The following MUC4 variants were observed in gnomAD, a reference collection of about 807,000 sequenced individuals.
MUC4 encodes mucin 4, cell surface associated.
A neutral mutation model predicts 257.9 loss-of-function variants in MUC4; 202 were observed. That is an observed-to-expected ratio of 0.78 (90% CI 0.70 to 0.88). MUC4 has a LOEUF of 0.88. MUC4 is among the 40% of genes least tolerant of loss of function. MUC4 has a pLI of 0.00. For synonymous variants in MUC4, 2,351 were observed against 2,757.1 expected, an observed-to-expected ratio of 0.85 and a Z score of 4.62; for missense variants, 5,976 against 6,513.7, an observed-to-expected ratio of 0.92 and a Z score of 2.84.
intron 4 of MUC4, among the ~76,000 whole-genome samples, chr3:195,773,637 ACCC>A (rs1723674902): frequency 8.8e-6 from 1 of 113,234 alleles, no homozygotes; most frequent in African/African-American, 3.0e-5. Context: ...AGGTGTGGAC[ACCC>A]TCTCGCCATC....
intron 10 of MUC4, 120 bp downstream of exon 10, chr3:195,764,877 G>T (rs142925840): frequency 7.1e-7 from 1 of 1,399,042 alleles, no homozygotes; most frequent in South Asian, 1.3e-5. Context: ...AACGTTACCC[G>T]ATCAGGAAGT....
At position 195,783,464 on chromosome 3, in the gene MUC4, G is replaced by T; in HGVS notation, c.8116C>A (p.Pro2706Thr). The part of the protein sequence containing the change: ...SASTGDTTSL[P>T]VTDTSSAYTG... ...TATGCTGAGGAAGTGTCGGTGACAGGAAGAGAGGTGGTGTCACCTGTGGAT... is the reference window on the plus strand; with the variant it reads ...TATGCTGAGGAAGTGTCGGTGACAGTAAGAGAGGTGGTGTCACCTGTGGAT... Residue 2706 changes from proline (P) to threonine (T), a missense_variant, in exon 2 of 25, where the codon CCT (proline) becomes ACT (threonine). Physicochemically the swap from Pro to Thr is conservative, Grantham distance 38. This residue lies in a region of MUC4 where 75 missense variants were observed against 58.7 expected (regional missense o/e 1.28). Coordinates refer to ENST00000463781, the MANE Select transcript of MUC4 (RefSeq NM_018406.7). 3.2e-6 allele frequency: 3 copies of T among 926,184 alleles called. No individual in the cohort carries two copies. Among genetic ancestry groups the T allele is most frequent in the African/African-American group, 1.1e-4 (2 of 18,736 alleles). 57.4% of individuals were successfully genotyped at this position (926,184 alleles called of 1,614,324 possible). A position where few individuals can be genotyped will look rare whatever the true frequency, so the allele number is the denominator to read the frequency against.
chr3:195,767,609 T>TCACCACCACCA (rs1560262456), intron 7 of MUC4, among the ~76,000 whole-genome samples: 7 of 27,246 alleles, frequency 2.6e-4, no homozygotes, highest in African/African-American at 1.1e-3. Context: ...ATCATCACCA[T>TCACCACCACCA]TGCCACCACC....
intron 1 of MUC4, among the ~76,000 whole-genome samples, 181 bp downstream of exon 1, chr3:195,811,555 A>G (rs115882824): frequency 0.017 from 2,443 of 146,708 alleles, 87 homozygotes; most frequent in African/African-American, 0.059. Context: ...ATGTTGTCCC[A>G]TTCATCTCTT....
At chr3:195,749,147 G>A (rs1715812888) in intron 23 of MUC4, 83 bp from the exon 24 acceptor site, 2 of 1,523,704 alleles carry the variant, frequency 1.3e-6, no homozygotes, top group African/African-American at 1.4e-5. Flanking sequence ...TTCCTTTTCG[G>A]GTGTTTATCC....
chr3:195,762,895 G>T lies in MUC4; in HGVS notation c.14304C>A (p.Asn4768Lys). ...PHDAIRVLLD[N>K]QTVTFQPDHE... Reference sequence around the variant, plus strand: ...GGTCAGGCTGAAATGTCACAGTCTGGTTATCCAGCAGGACACGGATTGCGT... The same window carrying T: ...GGTCAGGCTGAAATGTCACAGTCTGTTTATCCAGCAGGACACGGATTGCGT... The change falls in exon 13 of 25, where the codon AAC becomes AAA. Residue 4768 changes from asparagine to lysine, a missense_variant. Asn to Lys is a moderately conservative substitution (Grantham distance 94). Coordinates refer to ENST00000463781, the MANE Select transcript of MUC4 (RefSeq NM_018406.7). The T allele has an allele frequency of 4.4e-6, 7 of 1,573,692 alleles. No individual in the cohort carries two copies. Among genetic ancestry groups the T allele is most frequent in the Non-Finnish European group, 6.0e-6 (7 of 1,160,790 alleles).
In MUC4 at chr3:195,800,450, G is replaced by T. The variant is rs1371935183; in HGVS notation, c.83-8953C>A. ...GAGGACATAGTTTTATTGTCTAGGG[G>T]AGAAGGCGCTGTCAAAATCTCTCAA... On this transcript the variant is annotated intron_variant, in intron 1 of 24. Coordinates refer to ENST00000463781, the MANE Select transcript of MUC4 (RefSeq NM_018406.7). 2.0e-5 allele frequency among the ~76,000 whole-genome samples: 3 copies of T among 152,198 alleles called. No individual in the cohort carries two copies. The East Asian group carries it at 5.8e-4, about 29-fold the overall frequency.
intron 1 of MUC4, among the ~76,000 whole-genome samples, chr3:195,809,453 C>T (rs576845635): frequency 1.3e-5 from 2 of 152,292 alleles, no homozygotes; most frequent in East Asian, 1.9e-4. Context: ...TTGGTGACTG[C>T]TTTTCCTGCC....
chr3:195,788,610 G>A lies in MUC4; in HGVS notation c.2970C>T (p.Thr990=), dbSNP rs771151415. 73 of 1,591,126 alleles carry A rather than the reference G, an allele frequency of 4.6e-5. No individual in the cohort carries two copies. The Middle Eastern group carries it at 1.0e-3, about 22-fold the overall frequency. The change falls in exon 2 of 25, where the codon ACC becomes ACT. Residue 990 remains threonine (T), a synonymous_variant. Coordinates refer to ENST00000463781, the MANE Select transcript of MUC4 (RefSeq NM_018406.7). ...TYASSASTGH[T]TPLHVTDASS... Reference sequence around the variant, plus strand: ...AAGCATCGGTGACATGAAGAGGGGTGGTGTGACCTGTGGATGCCGAGGAAG... The same window carrying A: ...AAGCATCGGTGACATGAAGAGGGGTAGTGTGACCTGTGGATGCCGAGGAAG...
chr3:195,794,277 CT>C (rs1000113465), intron 1 of MUC4, among the ~76,000 whole-genome samples: 53 of 150,374 alleles, frequency 3.5e-4, no homozygotes, highest in Admixed American at 2.6e-3. Context: ...GAAAACTTGC[CT>C]TTTTTTTTCT....
chr3:195,777,898 A>AGCCATACCTTCCACG (rs1725315823), intron 3 of MUC4, among the ~76,000 whole-genome samples: 1 of 25,850 alleles, frequency 3.9e-5, no homozygotes, highest in Non-Finnish European at 8.8e-5. Flanking sequence ...TACCTTCCAC[A>AGCCATACCTTCCACG]GCCATACCTT....
At position 195,748,936 on chromosome 3, in the gene MUC4, G is replaced by T; in HGVS notation, c.16000C>A (p.Gln5334Lys). The T allele has an allele frequency of 6.3e-7, 1 of 1,597,528 alleles. No individual in the cohort carries two copies. The highest frequency in any genetic ancestry group is 2.3e-5 in the East Asian group (1 of 44,142). Residue 5334 changes from glutamine (Q) to lysine (K), a missense_variant, in exon 24 of 25, where the codon CAG (glutamine) becomes AAG (lysine). Gln to Lys is a moderately conservative substitution (Grantham distance 53, BLOSUM62 1). Around this residue, in one of 44 missense-constraint regions of MUC4, gnomAD observed 310 missense variants for 242.1 expected, o/e 1.28. Transcript: ENST00000463781. ...CSRGYCDHGGQCQHLPSGPRC... is the reference protein window; with the variant it reads ...CSRGYCDHGGKCQHLPSGPRC... ...GGCCCACTGGGCAGGTGCTGGCACT[G>T]GCCTCCATGGTCACAGTAGCCCCTA...
intron 1 of MUC4, among the ~76,000 whole-genome samples, chr3:195,807,922 G>A (rs916683236): frequency 6.6e-6 from 1 of 152,208 alleles, no homozygotes; most frequent in African/African-American, 2.4e-5. Context: ...CTCCACGGCT[G>A]AGCCCAGAAA....
rs1432361873 is a variant in MUC4, at chr3:195,757,637, G to C, written c.14987-309C>G. 2.0e-5 allele frequency among the ~76,000 whole-genome samples: 3 copies of C among 152,098 alleles called. No individual in the cohort carries two copies. Among genetic ancestry groups the C allele is most frequent in the Non-Finnish European group, 2.9e-5 (2 of 67,994 alleles). ...GGCTCACACCAGGATGGGACATCCT[G>C]GGGGATGGAGGATCAAGGCCAGGAT... On this transcript the variant is annotated intron_variant, in intron 17 of 24. Transcript: ENST00000463781. This position sits in a 1 kb window ranked among gnomAD's most constrained non-coding sequence, Gnocchi z 4.8.
At chr3:195,761,147 G>T in intron 15 of MUC4, 30 bp from the exon 16 acceptor site, 6 of 1,587,152 alleles carry the variant, frequency 3.8e-6, no homozygotes, top group Non-Finnish European at 5.2e-6. Flanking sequence ...GTGGTACCAG[G>T]CATGGCACTC....
intron 14 of MUC4, among the ~76,000 whole-genome samples, chr3:195,761,801 G>A (rs1159905122): frequency 6.6e-6 from 1 of 152,204 alleles, no homozygotes; most frequent in Non-Finnish European, 1.5e-5. Context: ...GGTGGAGGAG[G>A]GCGGGAGGAT....
intron 7 of MUC4, among the ~76,000 whole-genome samples, chr3:195,767,494 A>ACCATCACCACCACCATCG: frequency 1.4e-5 from 2 of 144,958 alleles, no homozygotes; most frequent in Non-Finnish European, 3.0e-5. Flanking sequence ...CACCACCATC[A>ACCATCACCACCACCATCG]CCATCACCAC....
intron 9 of MUC4, 61 bp downstream of exon 9, chr3:195,765,209 C>G: frequency 6.3e-7 from 1 of 1,582,704 alleles, no homozygotes; most frequent in Non-Finnish European, 8.6e-7. Flanking sequence ...TGGGGAGAGG[C>G]TGAGGGCGTG....
intron 12 of MUC4, 82 bp from the exon 13 acceptor site, chr3:195,763,027 G>C: frequency 2.6e-6 from 3 of 1,167,300 alleles, no homozygotes; most frequent in Non-Finnish European, 3.7e-6. Context: ...AGCCCCTGGG[G>C]CTGGAAGCTG....
Sources: gnomAD v4.1 joint callset for allele counts (sites outside exome capture counted in the v4.1 genomes callset) on GRCh38, gnomAD v4.1.1 for gene constraint, gnomAD v4.1.1 regional missense constraint, Gnocchi (gnomAD v3.1) non-coding constraint, MANE v1.5 for transcripts, NCBI Gene and HGNC (gene_info 2026-07-23, HGNC 2026-07-21) for gene names.